Variants in INPP4B observed in about 807,000 individuals in gnomAD.
The protein encoded by INPP4B is inositol polyphosphate 4-phosphatase type II.
INPP4B carries 55 observed loss-of-function variants against 122.5 expected under a neutral mutation model. That is an observed-to-expected ratio of 0.45 (90% CI 0.36 to 0.56). INPP4B has a LOEUF of 0.56. Among genes scored for constraint, INPP4B ranks in the 20% least tolerant of loss-of-function variants. The probability of loss-of-function intolerance (pLI) is 0.00; values close to 1 mark genes in which losing one functional copy is unlikely to be tolerated. For missense variants in INPP4B, 1,000 were observed against 1,097.7 expected, an observed-to-expected ratio of 0.91 and a Z score of 1.26; for synonymous variants, 403 against 388.7, an observed-to-expected ratio of 1.04 and a Z score of -0.43.
chr4:142,443,512 T>G (rs967325875), intron 3 of INPP4B, among the ~76,000 whole-genome samples: 2 of 152,134 alleles, frequency 1.3e-5, no homozygotes, highest in Non-Finnish European at 2.9e-5. Flanking sequence ...TGATCCTTTA[T>G]TACTATAGAG....
intron 8 of INPP4B, among the ~76,000 whole-genome samples, chr4:142,309,637 G>A (rs1764714916): frequency 6.6e-6 from 1 of 152,126 alleles, no homozygotes; most frequent in Non-Finnish European, 1.5e-5. Flanking sequence ...TCCCCACCAT[G>A]CTATGCCTCA....
intron 10 of INPP4B, among the ~76,000 whole-genome samples, chr4:142,263,946 G>A (rs915038678): frequency 6.6e-6 from 1 of 151,912 alleles, no homozygotes; most frequent in Non-Finnish European, 1.5e-5. Flanking sequence ...AAGACAATGT[G>A]ACTGGACTGT....
At chr4:142,341,140 A>T (rs1252168367) in intron 7 of INPP4B, among the ~76,000 whole-genome samples, 1 of 152,156 alleles carries the variant, frequency 6.6e-6, no homozygotes, top group East Asian at 1.9e-4. Flanking sequence ...TGACACTTTC[A>T]TCTCTCCTTT....
chr4:142,086,351 C>T (rs778708491), intron 23 of INPP4B, 95 bp from the exon 24 acceptor site: 44 of 711,428 alleles, frequency 6.2e-5, no homozygotes, highest in Non-Finnish European at 1.0e-4. Context: ...TTTGCAAACA[C>T]AACTTTTCTT....
intron 10 of INPP4B, 58 bp from the exon 11 acceptor site, chr4:142,260,622 A>G: frequency 8.7e-7 from 1 of 1,155,888 alleles, no homozygotes; most frequent in Non-Finnish European, 1.3e-6. Context: ...ATAAGGAATG[A>G]TATTATTTTA....
chr4:142,783,405 C>T (rs2151035520), intron 1 of INPP4B, among the ~76,000 whole-genome samples: 1 of 152,164 alleles, frequency 6.6e-6, no homozygotes, highest in Non-Finnish European at 1.5e-5. Context: ...CCAAAAAACA[C>T]ATGAAAAAAT....
At chr4:142,252,040 C>T (rs914128440) in intron 11 of INPP4B, among the ~76,000 whole-genome samples, 1 of 152,148 alleles carries the variant, frequency 6.6e-6, no homozygotes, top group Admixed American at 6.6e-5. Context: ...AATTCTGGAC[C>T]CACTGTTTAC....
chr4:142,123,368 C>A lies in INPP4B; in HGVS notation c.1941G>T (p.Leu647=), dbSNP rs757035389. The part of the protein sequence containing the change: ...CGFIIKLQTS[L]YDPGFLQQLH... ...GCTGCTGTAGGAAGCCTGGGTCATA[C>A]AGACTTGTCTGTAATTTGATGATAA... is the stretch of plus-strand genomic sequence containing the variant. The change falls in exon 20 of 26, where the codon CTG becomes CTT. Residue 647 remains leucine (L), a synonymous_variant. Transcript: ENST00000262992. 1 of 1,612,984 alleles carries A rather than the reference C, an allele frequency of 6.2e-7. No individual in the cohort carries two copies. Among genetic ancestry groups the A allele is most frequent in the East Asian group, 2.2e-5 (1 of 44,818 alleles).
chr4:142,567,730 A>G (rs763619947), intron 2 of INPP4B, among the ~76,000 whole-genome samples: 6 of 152,168 alleles, frequency 3.9e-5, no homozygotes, highest in Non-Finnish European at 8.8e-5. Flanking sequence ...GCACTTTGTA[A>G]ATCACCACAG....
intron 1 of INPP4B, among the ~76,000 whole-genome samples, chr4:142,829,312 C>A (rs182713339): frequency 6.6e-6 from 1 of 151,242 alleles, no homozygotes; most frequent in Admixed American, 6.6e-5. Context: ...TGACTTCTGA[C>A]GGACTTTAGC....
At chr4:142,149,315 C>A (rs1428279044) in intron 17 of INPP4B, among the ~76,000 whole-genome samples, 1 of 152,180 alleles carries the variant, frequency 6.6e-6, no homozygotes, top group Non-Finnish European at 1.5e-5. Flanking sequence ...TGTTTATATT[C>A]ACTTTGTATA....
Position 142,503,636 on chromosome 4 carries a change from A to T in INPP4B, c.-190-40910T>A, listed in dbSNP as rs191190389. ...GCAATTAGAGTTCCAACAGGACTTAAAGCAGATTGGAATAATATAATCTGG... is the reference window on the plus strand; with the variant it reads ...GCAATTAGAGTTCCAACAGGACTTATAGCAGATTGGAATAATATAATCTGG... On this transcript the variant is annotated intron_variant, in intron 2 of 25. Transcript: ENST00000262992. 7.9e-4 allele frequency among the ~76,000 whole-genome samples: 120 copies of T among 152,234 alleles called. 1 individual carries two copies. The highest frequency in any genetic ancestry group is 1.1e-3 in the Non-Finnish European group (75 of 67,974).
chr4:142,551,955 G>A (rs1052745664), intron 2 of INPP4B, among the ~76,000 whole-genome samples: 7 of 152,228 alleles, frequency 4.6e-5, no homozygotes, highest in Admixed American at 6.5e-5. Context: ...ATAGACAGTC[G>A]CACCTTGTTT....
intron 12 of INPP4B, among the ~76,000 whole-genome samples, chr4:142,237,118 T>C (rs372457347): frequency 1.6e-4 from 25 of 152,196 alleles, no homozygotes; most frequent in East Asian, 7.7e-4. Context: ...TTTAATTTTG[T>C]TGTACAATAC....
chr4:142,669,666 GATTA>G (rs1756696519), intron 2 of INPP4B, among the ~76,000 whole-genome samples: 1 of 152,146 alleles, frequency 6.6e-6, no homozygotes, highest in African/African-American at 2.4e-5. Flanking sequence ...ACTCAAAGTG[GATTA>G]ATGACTTAAA....
intron 7 of INPP4B, among the ~76,000 whole-genome samples, chr4:142,391,174 C>A (rs1797540668): frequency 6.6e-6 from 1 of 152,152 alleles, no homozygotes; most frequent in Admixed American, 6.5e-5. Flanking sequence ...ATGGTCTAAG[C>A]CAAATTACCT....
intron 2 of INPP4B, among the ~76,000 whole-genome samples, chr4:142,622,815 T>G (rs979270161): frequency 3.3e-5 from 5 of 152,040 alleles, no homozygotes; most frequent in African/African-American, 1.2e-4. Flanking sequence ...TTTTGAGTCC[T>G]GTACTACAGA....
At chr4:142,558,141 T>C (rs890070171) in intron 2 of INPP4B, among the ~76,000 whole-genome samples, 1 of 152,302 alleles carries the variant, frequency 6.6e-6, no homozygotes, top group East Asian at 1.9e-4. Context: ...ATCTCAAACT[T>C]CTGGAAGAGC....
At chr4:142,824,232 T>A (rs1029616334) in intron 1 of INPP4B, among the ~76,000 whole-genome samples, 1 of 152,116 alleles carries the variant, frequency 6.6e-6, no homozygotes, top group Non-Finnish European at 1.5e-5. Flanking sequence ...GCCTGCATAA[T>A]CATGTGAGCC....
Sources: allele counts gnomAD v4.1 joint callset (sites outside exome capture counted in the v4.1 genomes callset), GRCh38; gene constraint gnomAD v4.1.1; transcripts MANE v1.5; gene names NCBI Gene and HGNC (gene_info 2026-07-23, HGNC 2026-07-21).